SSU72: variants seen among roughly 807,000 people sequenced by gnomAD.
SSU72 encodes RNA polymerase II subunit A C-terminal domain phosphatase SSU72.
A neutral mutation model predicts 22.7 loss-of-function variants in SSU72; 12 were observed. The ratio of observed to expected loss-of-function variants is 0.53; its 90% CI spans 0.34 to 0.86. The LOEUF (loss-of-function observed/expected upper bound fraction) is 0.86. Among genes scored for constraint, SSU72 ranks in the 40% least tolerant of loss-of-function variants. SSU72 has a pLI of 0.02. For missense variants in SSU72, 151 were observed against 249.8 expected (o/e 0.60, Z 2.67); for synonymous variants, 116 against 98.3 (o/e 1.18, Z -1.06).
intron 1 of SSU72, among the ~76,000 whole-genome samples, chr1:1,572,355 G>A (rs1642741639): frequency 6.8e-6 from 1 of 147,392 alleles, no homozygotes; most frequent in Admixed American, 6.7e-5. Context: ...GTGAACCCAG[G>A]AGGCGGAGCT....
intron 1 of SSU72, among the ~76,000 whole-genome samples, chr1:1,565,507 C>T (rs1642649466): frequency 6.6e-6 from 1 of 152,234 alleles, no homozygotes; most frequent in African/African-American, 2.4e-5. Context: ...TTTTGGCCAT[C>T]GACCAACGTC....
At position 1,554,247 on chromosome 1, in the gene SSU72, G is replaced by A. The variant is rs1395210346; in HGVS notation, c.225-9245C>T. Among the ~76,000 whole-genome samples, 1 of 151,432 alleles carries A rather than the reference G, an allele frequency of 6.6e-6. No individual in the cohort carries two copies. The highest frequency in any genetic ancestry group is 1.5e-5 in the Non-Finnish European group (1 of 67,904). On this transcript the variant is annotated intron_variant, in intron 2 of 4. Coordinates refer to ENST00000291386, the MANE Select transcript of SSU72 (RefSeq NM_014188.3). The surrounding 1 kb of genome is among the most constrained non-coding windows in gnomAD (Gnocchi z 4.1). ...GTCCCCACGAAGCTGAGCATGAGGC[G>A]GACCCGGACCACTCGGGGGCCCCCA...
chr1:1,554,034 G>C lies in SSU72; in HGVS notation c.225-9032C>G, dbSNP rs557064558. ...ACTCAGCAGGTCCGGGGGACGTCAG[G>C]TGGCCACGGAGACCACGTGTCAGTG... is the stretch of plus-strand genomic sequence containing the variant. On this transcript the variant is annotated intron_variant, in intron 2 of 4. Coordinates refer to ENST00000291386, the MANE Select transcript of SSU72 (RefSeq NM_014188.3). This position sits in a 1 kb window ranked among gnomAD's most constrained non-coding sequence, Gnocchi z 4.1. Among the ~76,000 whole-genome samples, 1 of 152,324 alleles carries C rather than the reference G, an allele frequency of 6.6e-6. No homozygotes were observed. Among genetic ancestry groups the C allele is most frequent in the African/African-American group, 2.4e-5 (1 of 41,576 alleles).
At chr1:1,566,434 A>T (rs1352817853) in intron 1 of SSU72, among the ~76,000 whole-genome samples, 1 of 152,262 alleles carries the variant, frequency 6.6e-6, no homozygotes, top group Non-Finnish European at 1.5e-5. Flanking sequence ...CAGGGCGCAC[A>T]TACACTTCCA....
chr1:1,556,416 C>T (rs1335232729), intron 2 of SSU72, among the ~76,000 whole-genome samples: 8 of 151,910 alleles, frequency 5.3e-5, no homozygotes, highest in African/African-American at 1.2e-4. Context: ...GGGGGGCGCC[C>T]GTAATCCCAG....
rs942333742 is a variant in SSU72, at chr1:1,542,762, A to G, written c.484-595T>C. ...ACTCAGCTCTGGCCAACGTGACCCA[A>G]GCAGAAATCGTGCAATAACTTCTGG... On this transcript the variant is annotated intron_variant, in intron 4 of 4. Coordinates refer to ENST00000291386, the MANE Select transcript of SSU72 (RefSeq NM_014188.3). This position sits in a 1 kb window ranked among gnomAD's most constrained non-coding sequence, Gnocchi z 4.4. Among the ~76,000 whole-genome samples the G allele has an allele frequency of 6.6e-6, 1 of 152,078 alleles. No individual in the cohort carries two copies. Among genetic ancestry groups the G allele is most frequent in the African/African-American group, 2.4e-5 (1 of 41,394 alleles).
chr1:1,573,429 C>CAAAAAA (rs56930035), intron 1 of SSU72, among the ~76,000 whole-genome samples: 3 of 107,446 alleles, frequency 2.8e-5, no homozygotes, highest in Admixed American at 8.5e-5. Context: ...GACTCTGTCT[C>CAAAAAA]AAAAAAAAAA....
intron 2 of SSU72, among the ~76,000 whole-genome samples, chr1:1,549,527 A>G (rs1642430911): frequency 6.6e-6 from 1 of 151,676 alleles, no homozygotes; most frequent in African/African-American, 2.4e-5. Context: ...TCAAAAAAAA[A>G]AAAGAAAGAA....
intron 2 of SSU72, among the ~76,000 whole-genome samples, chr1:1,551,524 G>A (rs1379980270): frequency 6.6e-6 from 1 of 151,106 alleles, no homozygotes; most frequent in Non-Finnish European, 1.5e-5. Flanking sequence ...CTACGTGTGT[G>A]TGCCAGCTGC....
At chr1:1,551,090 C>CA (rs1266581341) in intron 2 of SSU72, among the ~76,000 whole-genome samples, 1 of 152,156 alleles carries the variant, frequency 6.6e-6, no homozygotes, top group African/African-American at 2.4e-5. Flanking sequence ...GGGGACCTTC[C>CA]ATGTGGGTTA....
At position 1,542,008 on chromosome 1, in the gene SSU72, G is replaced by C; in HGVS notation, c.*58C>G. 1 of 1,497,770 alleles carries C rather than the reference G, an allele frequency of 6.7e-7. No individual in the cohort carries two copies. The highest frequency in any genetic ancestry group is 1.2e-5 in the South Asian group (1 of 82,878). 92.8% of individuals were successfully genotyped at this position (1,497,770 alleles called of 1,614,324 possible). ...ACCTGTAAGTAAAAACAAATGTCAG[G>C]AAGGAAAAAGTATGAACAACAGGAA... On this transcript the variant is annotated 3_prime_UTR_variant, in exon 5 of 5. Transcript: ENST00000291386. This position sits in a 1 kb window ranked among gnomAD's most constrained non-coding sequence, Gnocchi z 4.4.
intron 2 of SSU72, among the ~76,000 whole-genome samples, chr1:1,557,031 C>G (rs1642529445): frequency 3.3e-5 from 5 of 152,242 alleles, no homozygotes; most frequent in Admixed American, 3.3e-4. Flanking sequence ...TTTTCTAAAA[C>G]CCACGATCAG....
intron 2 of SSU72, among the ~76,000 whole-genome samples, chr1:1,552,715 C>G (rs1642467899): frequency 6.6e-6 from 1 of 152,148 alleles, no homozygotes; most frequent in Non-Finnish European, 1.5e-5. Flanking sequence ...TTAGTAGACT[C>G]TCAGATAACA....
intron 2 of SSU72, among the ~76,000 whole-genome samples, chr1:1,558,262 G>A (rs1390311346): frequency 6.6e-6 from 1 of 151,816 alleles, no homozygotes; most frequent in Admixed American, 6.6e-5. Flanking sequence ...TACTGGGGAG[G>A]GTGACGTGGC....
chr1:1,546,447 C>G (rs1372033957), intron 2 of SSU72: 1 of 152,218 alleles, frequency 6.6e-6, no homozygotes, highest in Non-Finnish European at 1.5e-5. Context: ...ACACCCGGGT[C>G]CATCTCTGGG....
intron 2 of SSU72, chr1:1,560,709 G>T (rs941756183): frequency 1.3e-5 from 2 of 152,224 alleles, no homozygotes; most frequent in African/African-American, 4.8e-5. Context: ...AATGAAAGCT[G>T]AGAATAGTGG....
rs575105758 is a variant in SSU72, at chr1:1,552,663, G to A, written c.225-7661C>T. Reference sequence around the variant, plus strand: ...AGCCTGAGGAGTAAACCCAACAGACGGCAAGATGGCATCACCACACACTAT... The same window carrying A: ...AGCCTGAGGAGTAAACCCAACAGACAGCAAGATGGCATCACCACACACTAT... On this transcript the variant is annotated intron_variant, in intron 2 of 4. Coordinates refer to ENST00000291386, the MANE Select transcript of SSU72 (RefSeq NM_014188.3). Among the ~76,000 whole-genome samples, 6 of 152,268 alleles carry A rather than the reference G, an allele frequency of 3.9e-5. No homozygotes were observed. The South Asian group carries it at 1.0e-3, about 26-fold the overall frequency.
At chr1:1,549,065 G>C (rs1299265812) in intron 2 of SSU72, among the ~76,000 whole-genome samples, 2 of 152,044 alleles carry the variant, frequency 1.3e-5, no homozygotes, top group Non-Finnish European at 2.9e-5. Context: ...TTGAATCCAG[G>C]AGGGACCCAG....
chr1:1,552,085 C>T (rs529481581), intron 2 of SSU72, among the ~76,000 whole-genome samples: 14 of 152,368 alleles, frequency 9.2e-5, no homozygotes, highest in Admixed American at 3.3e-4. Flanking sequence ...CTCTGCTACA[C>T]GTGTGCAGCA....
Sources: allele counts gnomAD v4.1 joint callset (sites outside exome capture counted in the v4.1 genomes callset), GRCh38; gene constraint gnomAD v4.1.1; non-coding constraint Gnocchi (gnomAD v3.1); transcripts MANE v1.5; gene names NCBI Gene and HGNC (gene_info 2026-07-23, HGNC 2026-07-21).